The following DOCK4 variants were observed in gnomAD, a reference collection of about 807,000 sequenced individuals.
DOCK4 encodes the protein dedicator of cytokinesis protein 4.
In DOCK4, 97 loss-of-function variants were observed where a neutral mutation model predicts 268.1. That is an observed-to-expected ratio of 0.36 (90% CI 0.31 to 0.43). DOCK4 has a LOEUF of 0.43. Among genes scored for constraint, DOCK4 ranks in the 20% least tolerant of loss-of-function variants. The probability of loss-of-function intolerance (pLI) is 1.00; values close to 1 mark genes in which losing one functional copy is unlikely to be tolerated. For synonymous variants in DOCK4, 954 were observed against 887.2 expected (o/e 1.08, Z -1.34); for missense variants, 2,145 against 2,455.7 (o/e 0.87, Z 2.67).
At chr7:112,026,424 A>G (rs1431386973) in intron 1 of DOCK4, among the ~76,000 whole-genome samples, 1 of 152,148 alleles carries the variant, frequency 6.6e-6, no homozygotes, top group African/African-American at 2.4e-5. Context: ...TTGTCTGTGG[A>G]AAAATTGTCT....
chr7:112,009,853 G>A (rs1363043662), intron 1 of DOCK4, among the ~76,000 whole-genome samples: 2 of 152,140 alleles, frequency 1.3e-5, no homozygotes, highest in Admixed American at 6.5e-5. Context: ...GCGTCTCACC[G>A]TCGCCCAGGC....
chr7:111,902,357 G>A lies in DOCK4; in HGVS notation c.1193-556C>T, dbSNP rs557425914. 3.3e-5 allele frequency among the ~76,000 whole-genome samples: 5 copies of A among 152,204 alleles called. No individual in the cohort carries two copies. In the South Asian group the frequency reaches 1.0e-3, roughly 32 times the overall value. On this transcript the variant is annotated intron_variant, in intron 13 of 52. Transcript: ENST00000428084. ...TAATTCCGTCATACAGACAAACTCG[G>A]CTTAATATTTCATATCATCAAGCTA...
chr7:111,879,344 G>A (rs1807182892), intron 16 of DOCK4, among the ~76,000 whole-genome samples: 1 of 152,090 alleles, frequency 6.6e-6, no homozygotes, highest in Non-Finnish European at 1.5e-5. Flanking sequence ...ATGCTGCAGG[G>A]CTTGGGCTCT....
intron 8 of DOCK4, among the ~76,000 whole-genome samples, chr7:111,958,775 T>C (rs1353477903): frequency 4.6e-5 from 7 of 152,208 alleles, no homozygotes. Context: ...TAGAATTGTA[T>C]GGCTCTTAAA....
chr7:112,052,291 C>T lies in DOCK4; in HGVS notation c.38-48160G>A, dbSNP rs115541364. 2.6e-3 allele frequency among the ~76,000 whole-genome samples: 392 copies of T among 152,094 alleles called. 2 individuals are homozygous for T. Among genetic ancestry groups the T allele is most frequent in the African/African-American group, 8.9e-3 (370 of 41,506 alleles). ...TTGACTGTATGTGTGTGTGTATATA[C>T]ATATATATGTAGCTAGACACACACA... On this transcript the variant is annotated intron_variant, in intron 1 of 52. Transcript: ENST00000428084.
intron 1 of DOCK4, among the ~76,000 whole-genome samples, chr7:112,182,492 G>C (rs1280541156): frequency 6.6e-6 from 1 of 152,174 alleles, no homozygotes; most frequent in Non-Finnish European, 1.5e-5. Context: ...ATTTCAGGAA[G>C]AAGAGTGGGA....
Position 111,847,343 on chromosome 7 carries a change from A to AGTGTCACCTAAACAT in DOCK4, c.2474-218_2474-217insATGTTTAGGTGACAC, listed in dbSNP as rs1447413513. Among the ~76,000 whole-genome samples, 6 of 152,340 alleles carry AGTGTCACCTAAACAT rather than the reference A, an allele frequency of 3.9e-5. No homozygotes were observed. The East Asian group carries it at 9.6e-4, about 24-fold the overall frequency. On this transcript the variant is annotated intron_variant, in intron 23 of 52. Transcript: ENST00000428084. Reference sequence around the variant, plus strand: ...GAGGCCTTTGACACTTTTAGGTGAAATAGATATCTTTCTAAAATTATTTGT... The same window carrying AGTGTCACCTAAACAT: ...GAGGCCTTTGACACTTTTAGGTGAAAGTGTCACCTAAACATTAGATATCTTTCTAAAATTATTTGT...
chr7:112,091,365 G>C (rs1809611941), intron 1 of DOCK4, among the ~76,000 whole-genome samples: 1 of 152,154 alleles, frequency 6.6e-6, no homozygotes, highest in Non-Finnish European at 1.5e-5. Flanking sequence ...GAGGAGGAGA[G>C]ATGTCTGGGC....
chr7:112,005,158 G>C (rs1400937164), intron 1 of DOCK4, among the ~76,000 whole-genome samples: 1 of 152,170 alleles, frequency 6.6e-6, no homozygotes, highest in African/African-American at 2.4e-5. Flanking sequence ...TTTTAGGAGG[G>C]AAACTTATAA....
At chr7:112,111,147 G>A (rs1248344966) in intron 1 of DOCK4, among the ~76,000 whole-genome samples, 1 of 152,172 alleles carries the variant, frequency 6.6e-6, no homozygotes, top group Non-Finnish European at 1.5e-5. Flanking sequence ...GGGGCCTCTG[G>A]TCCTGGCACA....
chr7:111,779,658 G>T (rs2133740624), intron 35 of DOCK4, among the ~76,000 whole-genome samples: 1 of 152,248 alleles, frequency 6.6e-6, no homozygotes, highest in African/African-American at 2.4e-5. Flanking sequence ...CTCCCAAAGT[G>T]CTGATGCCAC....
chr7:112,172,898 T>C (rs2729559), intron 1 of DOCK4, among the ~76,000 whole-genome samples: 141,855 of 152,302 alleles, frequency 0.93, 66,123 homozygotes, highest in Middle Eastern at 0.97. Flanking sequence ...TATAGATGCA[T>C]AGGTAAAAAT....
At position 111,868,083 on chromosome 7, in the gene DOCK4, G is replaced by A. The variant is rs190956823; in HGVS notation, c.2181C>T (p.Asn727=). Residue 727 remains asparagine (N), a synonymous_variant, in exon 22 of 53, where the codon AAC becomes AAT. Transcript: ENST00000428084. ...GAATGCAGCAGCGGAACTCCTCTTC[G>A]TTTTGCCCACCAGTGGCAAGGGAAA... is the stretch of plus-strand genomic sequence containing the variant. The part of the protein sequence containing the change: ...RLFSLATGGQ[N]EEEFRCCIQE... The A allele has an allele frequency of 2.7e-5, 44 of 1,613,440 alleles. No individual in the cohort carries two copies. The highest frequency in any genetic ancestry group is 1.8e-4 in the East Asian group (8 of 44,854).
At chr7:111,802,482 G>C (rs1213959969) in intron 30 of DOCK4, among the ~76,000 whole-genome samples, 1 of 152,132 alleles carries the variant, frequency 6.6e-6, no homozygotes. Context: ...GTGAAAAAAG[G>C]GGGATGGAAG....
chr7:112,146,615 C>A (rs1815522239), intron 1 of DOCK4, among the ~76,000 whole-genome samples: 1 of 151,998 alleles, frequency 6.6e-6, no homozygotes, highest in Non-Finnish European at 1.5e-5. Flanking sequence ...ACCTATAGTC[C>A]CAGCTACTCA....
intron 49 of DOCK4, 106 bp downstream of exon 49, chr7:111,739,028 C>A: frequency 1.1e-6 from 1 of 887,098 alleles, no homozygotes; most frequent in Admixed American, 2.1e-5. Flanking sequence ...TGGTCTGACA[C>A]TGCCCAGCTG....
At chr7:112,058,024 A>ATTTTTTT (rs67991598) in intron 1 of DOCK4, among the ~76,000 whole-genome samples, 1 of 115,038 alleles carries the variant, frequency 8.7e-6, no homozygotes, top group Non-Finnish European at 1.8e-5. Flanking sequence ...TACAGGTTCA[A>ATTTTTTT]TTTTTTTTTT....
chr7:111,838,772 T>C (rs548769310), intron 25 of DOCK4, among the ~76,000 whole-genome samples: 1 of 152,254 alleles, frequency 6.6e-6, no homozygotes, highest in East Asian at 1.9e-4. Context: ...AAGTGATGAA[T>C]GTATTTGCTA....
At chr7:111,918,362 C>T (rs1293143761) in intron 12 of DOCK4, among the ~76,000 whole-genome samples, 1 of 152,154 alleles carries the variant, frequency 6.6e-6, no homozygotes, top group Non-Finnish European at 1.5e-5. Flanking sequence ...CCAGCCCCAC[C>T]CCATTCACTC....
Sources: allele counts gnomAD v4.1 joint callset (sites outside exome capture counted in the v4.1 genomes callset), GRCh38; gene constraint gnomAD v4.1.1; transcripts MANE v1.5; gene names NCBI Gene and HGNC (gene_info 2026-07-23, HGNC 2026-07-21).